Variants in RGS6 observed in about 807,000 individuals in gnomAD.
RGS6 encodes the protein regulator of G-protein signaling 6.
Under a neutral mutation model 78.5 loss-of-function variants are expected in RGS6, and 30 were observed. That is an observed-to-expected ratio of 0.38 (90% CI 0.29 to 0.52). The LOEUF is 0.52. RGS6 is among the 20% of genes least tolerant of loss of function. The probability of loss-of-function intolerance (pLI) is 0.85; values close to 1 mark genes in which losing one functional copy is unlikely to be tolerated. For synonymous variants in RGS6, 206 were observed against 206.0 expected (o/e 1.00, Z 0.00); for missense variants, 495 against 609.7 (o/e 0.81, Z 1.98).
intron 3 of RGS6, among the ~76,000 whole-genome samples, chr14:72,448,811 A>G (rs896479940): frequency 6.6e-6 from 1 of 152,192 alleles, no homozygotes; most frequent in Non-Finnish European, 1.5e-5. Flanking sequence ...AGAGACACAG[A>G]ATAGTATAGT....
intron 2 of RGS6, among the ~76,000 whole-genome samples, chr14:72,042,784 G>C (rs1020597675): frequency 6.6e-6 from 1 of 151,926 alleles, no homozygotes; most frequent in African/African-American, 2.4e-5. Context: ...ATAAATATGG[G>C]GCCATGAAAA....
intron 2 of RGS6, among the ~76,000 whole-genome samples, chr14:72,193,314 T>G (rs1254317738): frequency 3.9e-5 from 6 of 152,144 alleles, no homozygotes; most frequent in African/African-American, 1.4e-4. Flanking sequence ...TACTTCTGCC[T>G]GAAACCCACT....
At chr14:72,315,774 G>C (rs1003824249) in intron 2 of RGS6, among the ~76,000 whole-genome samples, 2 of 152,196 alleles carry the variant, frequency 1.3e-5, no homozygotes, top group Admixed American at 1.3e-4. Context: ...CTTAGAGGTT[G>C]TAACTAGTCC....
At chr14:72,058,508 T>G (rs759678203) in intron 2 of RGS6, among the ~76,000 whole-genome samples, 10 of 135,094 alleles carry the variant, frequency 7.4e-5, no homozygotes, top group African/African-American at 1.4e-4. Flanking sequence ...ATATAAAGGG[T>G]TTTTTTTTTT....
rs2079575566 is a variant in RGS6 at position 72,353,632 on chromosome 14, G to A, written c.184+1438G>A. ...TATGAGATGATGATGATGAACAGAT[G>A]AACAGTTCTGTATACTGATTATGGT... On this transcript the variant is annotated intron_variant, in intron 3 of 17. Transcript: ENST00000553525. Among the ~76,000 whole-genome samples, 3 of 152,064 alleles carry A rather than the reference G, an allele frequency of 2.0e-5. No homozygotes were observed. The South Asian group carries it at 6.2e-4, about 32-fold the overall frequency.
chr14:72,065,754 A>G (rs950530458), intron 2 of RGS6, among the ~76,000 whole-genome samples: 5 of 152,062 alleles, frequency 3.3e-5, no homozygotes, highest in Non-Finnish European at 4.4e-5. Context: ...AGTGGCCCTC[A>G]TTATTTTATT....
chr14:72,330,605 T>C (rs1171896430), intron 2 of RGS6, among the ~76,000 whole-genome samples: 1 of 152,190 alleles, frequency 6.6e-6, no homozygotes, highest in Admixed American at 6.5e-5. Context: ...GGCATTAACT[T>C]TTCATATTAC....
At chr14:71,901,270 T>C in the RGS6 span, among the ~76,000 whole-genome samples, 1 of 152,230 alleles carries the variant, frequency 6.6e-6, no homozygotes, top group Non-Finnish European at 1.5e-5. Flanking sequence ...ATATGAACTT[T>C]AGAGTCAGAC....
At chr14:71,890,630 A>G in the RGS6 span, among the ~76,000 whole-genome samples, 8,303 of 152,268 alleles carry the variant, frequency 0.055, 343 homozygotes, top group Non-Finnish European at 0.084. Context: ...TCTGCCATGG[A>G]TGTTTTATAA....
the RGS6 span, chr14:72,619,853 G>T: frequency 7.0e-7 from 1 of 1,421,122 alleles, no homozygotes; most frequent in Non-Finnish European, 9.4e-7. Flanking sequence ...GTAAGTGCTA[G>T]TAGTAGTAGT....
chr14:72,572,108 C>A, the RGS6 span, among the ~76,000 whole-genome samples: 2 of 152,238 alleles, frequency 1.3e-5, no homozygotes, highest in South Asian at 4.2e-4. Context: ...TGATGAGATA[C>A]CACTTCACAA....
chr14:72,196,582 T>C lies in RGS6; in HGVS notation c.85-155513T>C, dbSNP rs187661904. ...TTCTCCTTCCAGAGCTCTTCTGAAG[T>C]TCTTGCCTAATGAAGAAAAAGCAAG... On this transcript the variant is annotated intron_variant, in intron 2 of 17. Transcript: ENST00000553525. Among the ~76,000 whole-genome samples, 37 of 152,332 alleles carry C rather than the reference T, an allele frequency of 2.4e-4. 1 individual carries two copies. The East Asian group carries it at 5.6e-3, about 23-fold the overall frequency.
intron 1 of RGS6, among the ~76,000 whole-genome samples, chr14:71,937,379 G>A (rs1033220051): frequency 6.6e-6 from 1 of 152,144 alleles, no homozygotes; most frequent in African/African-American, 2.4e-5. Flanking sequence ...GGTGAGTGGT[G>A]CCACTTCCAC....
intron 2 of RGS6, among the ~76,000 whole-genome samples, chr14:72,285,457 T>C (rs2062365619): frequency 6.6e-6 from 1 of 152,202 alleles, no homozygotes; most frequent in African/African-American, 2.4e-5. Flanking sequence ...TCTGCCACCA[T>C]GTAAGATGTC....
At chr14:72,556,093 T>G (rs974821856) in intron 17 of RGS6, among the ~76,000 whole-genome samples, 4 of 149,644 alleles carry the variant, frequency 2.7e-5, no homozygotes, top group African/African-American at 5.0e-5. Context: ...TTTTGTAGAT[T>G]CAAAAACTTT....
chr14:72,314,365 A>G (rs1459034878), intron 2 of RGS6, among the ~76,000 whole-genome samples: 1 of 152,204 alleles, frequency 6.6e-6, no homozygotes, highest in Non-Finnish European at 1.5e-5. Context: ...AGAAGAAGAA[A>G]TGAGGGAAGA....
intron 3 of RGS6, among the ~76,000 whole-genome samples, chr14:72,426,076 A>G (rs1434930905): frequency 6.6e-6 from 1 of 152,176 alleles, no homozygotes; most frequent in African/African-American, 2.4e-5. Flanking sequence ...AGCTGCTTAG[A>G]TGATAATATA....
At chr14:72,626,974 G>A in the RGS6 span, among the ~76,000 whole-genome samples, 5 of 151,312 alleles carry the variant, frequency 3.3e-5, no homozygotes, top group Non-Finnish European at 5.9e-5. Context: ...TCTTTTGTGG[G>A]TTGTCTTTCA....
chr14:71,926,334 A>G, the RGS6 span, among the ~76,000 whole-genome samples: 1 of 152,216 alleles, frequency 6.6e-6, no homozygotes, highest in Non-Finnish European at 1.5e-5. Flanking sequence ...CTGTAATCAC[A>G]GCACTTTGGG....
Sources: gnomAD v4.1 joint callset for allele counts (sites outside exome capture counted in the v4.1 genomes callset) on GRCh38, gnomAD v4.1.1 for gene constraint, MANE v1.5 for transcripts, NCBI Gene and HGNC (gene_info 2026-07-23, HGNC 2026-07-21) for gene names.